GSG1L: variants seen among roughly 807,000 people sequenced by gnomAD.
GSG1L encodes the protein GSG1 like, also known as germ cell-specific gene 1-like protein.
In GSG1L, 24 loss-of-function variants were observed where a neutral mutation model predicts 42.1. The ratio of observed to expected loss-of-function variants is 0.57; its 90% CI spans 0.41 to 0.80. GSG1L has a LOEUF of 0.80. Ranked by LOEUF, GSG1L falls within the 30% of genes least tolerant of loss-of-function variation. GSG1L has a pLI of 0.00. For synonymous variants in GSG1L, 215 were observed against 203.5 expected, an observed-to-expected ratio of 1.06 and a Z score of -0.48; for missense variants, 445 against 472.2, an observed-to-expected ratio of 0.94 and a Z score of 0.53.
At chr16:28,025,270 G>A (rs1313352323) in intron 1 of GSG1L, among the ~76,000 whole-genome samples, 1 of 152,156 alleles carries the variant, frequency 6.6e-6, no homozygotes, top group African/African-American at 2.4e-5. Flanking sequence ...GGGAGATGAG[G>A]GAGCCACTGG....
At chr16:28,006,057 T>G (rs967238476) in intron 1 of GSG1L, among the ~76,000 whole-genome samples, 23 of 152,010 alleles carry the variant, frequency 1.5e-4, no homozygotes, top group African/African-American at 5.6e-4. Context: ...TGAGAAAAAT[T>G]CAGCCCGCTG....
Position 27,791,485 on chromosome 16 carries a change from G to C in GSG1L, c.899-18C>G, listed in dbSNP as rs781000555. ...CTGGTGTCCTGCCAGGAGACAAGGC[G>C]GTCAGTGCTGAAAGCCACCTTCCTC... is the stretch of plus-strand genomic sequence containing the variant. On this transcript the variant is annotated intron_variant, in intron 6 of 6. Transcript: ENST00000447459. 2.8e-6 allele frequency: 4 copies of C among 1,447,838 alleles called. No individual in the cohort carries two copies. Among genetic ancestry groups the C allele is most frequent in the South Asian group, 1.5e-5 (1 of 65,778 alleles). The allele number at this position is 1,447,838 out of a possible 1,614,324, so 89.7% of individuals were successfully genotyped here. A position where few individuals can be genotyped will look rare whatever the true frequency, so the allele number is the denominator to read the frequency against.
rs1567473924 is a variant in GSG1L at position 27,828,842 on chromosome 16, G to A, written c.777C>T (p.Tyr259=). ...RHKRKVFEQG[Y]REEPTFIDPE... ...GGTCTATGAAGGTCGGCTCTTCCCG[G>A]TAGCCCTGCTCAAAGACCTTGCGCT... The change falls in exon 5 of 7, where the codon TAC becomes TAT. Residue 259 remains tyrosine (Y), a synonymous_variant. Coordinates refer to ENST00000447459, the MANE Select transcript of GSG1L (RefSeq NM_001109763.2). The A allele has an allele frequency of 6.2e-7, 1 of 1,614,194 alleles. No homozygotes were observed. The highest frequency in any genetic ancestry group is 2.2e-5 in the East Asian group (1 of 44,874).
chr16:27,792,301 C>T (rs564409446), intron 6 of GSG1L, among the ~76,000 whole-genome samples: 8 of 152,232 alleles, frequency 5.3e-5, no homozygotes, highest in African/African-American at 1.4e-4. Context: ...ATGGGTGTGC[C>T]CTAAGCTGAC....
chr16:27,852,898 G>A (rs2083531731), intron 3 of GSG1L, among the ~76,000 whole-genome samples: 1 of 152,044 alleles, frequency 6.6e-6, no homozygotes, highest in Non-Finnish European at 1.5e-5. Flanking sequence ...AGGGCGCTGA[G>A]ATGCTGGAGG....
chr16:28,061,798 C>T (rs2086344750), intron 1 of GSG1L, among the ~76,000 whole-genome samples: 1 of 152,208 alleles, frequency 6.6e-6, no homozygotes, highest in East Asian at 1.9e-4. Flanking sequence ...TGTCCCTCCT[C>T]AGTATCCTGA....
chr16:27,867,691 C>G (rs1379836372), intron 3 of GSG1L, among the ~76,000 whole-genome samples: 3 of 152,150 alleles, frequency 2.0e-5, no homozygotes, highest in Non-Finnish European at 4.4e-5. Context: ...GGATCCTATG[C>G]CTGTGCTGCC....
At chr16:27,881,863 T>G (rs1026206511) in intron 3 of GSG1L, among the ~76,000 whole-genome samples, 2 of 152,082 alleles carry the variant, frequency 1.3e-5, no homozygotes, top group Non-Finnish European at 2.9e-5. Context: ...TCCTGCACGG[T>G]GGACCTGTCC....
intron 1 of GSG1L, among the ~76,000 whole-genome samples, chr16:28,002,979 G>A (rs1293729637): frequency 6.6e-6 from 1 of 152,146 alleles, no homozygotes; most frequent in African/African-American, 2.4e-5. Flanking sequence ...AAAGATCCAG[G>A]GGGAGAGCAT....
chr16:27,799,687 GC>G (rs2082860990), intron 6 of GSG1L, among the ~76,000 whole-genome samples: 1 of 152,090 alleles, frequency 6.6e-6, no homozygotes, highest in African/African-American at 2.4e-5. Context: ...AAGGGGGCGG[GC>G]ACCGAGCCAG....
chr16:27,847,193 C>T (rs999051835), intron 3 of GSG1L, among the ~76,000 whole-genome samples: 5 of 152,156 alleles, frequency 3.3e-5, no homozygotes, highest in African/African-American at 1.2e-4. Flanking sequence ...GGACTCACAC[C>T]AGGAAACCCA....
Position 27,845,000 on chromosome 16 carries a change from G to T in GSG1L, c.612C>A (p.Leu204=). The T allele has an allele frequency of 1.2e-6, 2 of 1,613,884 alleles. No individual in the cohort carries two copies. Among genetic ancestry groups the T allele is most frequent in the South Asian group, 1.1e-5 (1 of 91,010 alleles). ...YTQVFQVTVS[L]GPEDWRPHSW... ...AATGGGGTCTCCAGTCCTCAGGACC[G>T]AGGCTCACGGTGACCTGGAACACCT... is the stretch of plus-strand genomic sequence containing the variant. The change falls in exon 4 of 7, where the codon CTC becomes CTA. Residue 204 remains leucine (L), a synonymous_variant. Coordinates refer to ENST00000447459, the MANE Select transcript of GSG1L (RefSeq NM_001109763.2).
intron 1 of GSG1L, among the ~76,000 whole-genome samples, chr16:28,039,586 T>A (rs62031307): frequency 1.3e-5 from 2 of 148,512 alleles, no homozygotes; most frequent in Non-Finnish European, 3.0e-5. Flanking sequence ...CGCGCACACA[T>A]GCACATACCC....
intron 1 of GSG1L, among the ~76,000 whole-genome samples, chr16:27,983,103 G>A (rs2085342597): frequency 6.6e-6 from 1 of 152,168 alleles, no homozygotes; most frequent in Non-Finnish European, 1.5e-5. Flanking sequence ...GGGAGGACAA[G>A]GCAGGAGGAT....
rs573082003 is a variant in GSG1L at position 27,886,733 on chromosome 16, A to T, written c.398-2095T>A. On this transcript the variant is annotated intron_variant, in intron 2 of 6. Transcript: ENST00000447459. Reference sequence around the variant, plus strand: ...TGAAAGAAAAAGTAGCGAATAGAAGATGGAACTAGGAACACATCCCCATGG... The same window carrying T: ...TGAAAGAAAAAGTAGCGAATAGAAGTTGGAACTAGGAACACATCCCCATGG... 1.3e-3 allele frequency among the ~76,000 whole-genome samples: 201 copies of T among 152,282 alleles called. 1 individual carries two copies. Among genetic ancestry groups the T allele is most frequent in the African/African-American group, 4.6e-3 (190 of 41,564 alleles).
In GSG1L at chr16:27,788,888, A is replaced by T. The variant is rs1222161402; in HGVS notation, c.*2482T>A. ...GTCAAGTAACTCGCCCAAGGTCACA[A>T]GTGGAGAAGGTGGAATCTGAACCCA... On this transcript the variant is annotated 3_prime_UTR_variant, in exon 7 of 7. Transcript: ENST00000447459. The T allele has an allele frequency of 6.6e-6, 1 of 152,284 alleles. No individual in the cohort carries two copies. Among genetic ancestry groups the T allele is most frequent in the Non-Finnish European group, 1.5e-5 (1 of 68,066 alleles). 9.4% of individuals were successfully genotyped at this position (152,284 alleles called of 1,614,324 possible). A position where few individuals can be genotyped will look rare whatever the true frequency, so the allele number is the denominator to read the frequency against.
At chr16:27,828,578 C>T (rs1435457376) in intron 5 of GSG1L, among the ~76,000 whole-genome samples, 1 of 152,182 alleles carries the variant, frequency 6.6e-6, no homozygotes, top group Non-Finnish European at 1.5e-5. Context: ...CACATAAGCC[C>T]AAGGCAACCT....
intron 4 of GSG1L, among the ~76,000 whole-genome samples, chr16:27,833,198 C>A (rs539076305): frequency 1.3e-5 from 2 of 152,304 alleles, no homozygotes; most frequent in Non-Finnish European, 2.9e-5. Flanking sequence ...AGCTCCAGCA[C>A]CATTTGTTGA....
intron 5 of GSG1L, among the ~76,000 whole-genome samples, chr16:27,813,163 G>T (rs995016870): frequency 1.3e-5 from 2 of 152,178 alleles, no homozygotes; most frequent in African/African-American, 4.8e-5. Context: ...TGTCACGGGG[G>T]TTTGGTGTAC....
Sources: gnomAD v4.1 joint callset for allele counts (sites outside exome capture counted in the v4.1 genomes callset) on GRCh38, gnomAD v4.1.1 for gene constraint, MANE v1.5 for transcripts, NCBI Gene and HGNC (gene_info 2026-07-23, HGNC 2026-07-21) for gene names.